TANGO6: variants seen among roughly 807,000 people sequenced by gnomAD.
TANGO6 encodes transport and golgi organization 6 homolog.
In TANGO6, 90 loss-of-function variants were observed where a neutral mutation model predicts 114.2. The observed-to-expected ratio is 0.79, with a 90% confidence interval of 0.66 to 0.94. TANGO6 has a LOEUF of 0.94. Ranked by LOEUF, TANGO6 falls within the 40% of genes least tolerant of loss-of-function variation. The pLI, the probability that TANGO6 is intolerant of heterozygous loss-of-function variation, is 0.00. For synonymous variants in TANGO6, 477 were observed against 509.8 expected (o/e 0.94, Z 0.87); for missense variants, 1,274 against 1,315.3 (o/e 0.97, Z 0.49).
chr16:68,889,043 C>A (rs910404625), intron 7 of TANGO6, among the ~76,000 whole-genome samples: 9 of 152,154 alleles, frequency 5.9e-5, no homozygotes, highest in African/African-American at 1.9e-4. Context: ...GGGTTGTTCT[C>A]GAACTCCTGA....
At chr16:68,884,245 C>T (rs1043988237) in intron 7 of TANGO6, among the ~76,000 whole-genome samples, 3 of 152,110 alleles carry the variant, frequency 2.0e-5, no homozygotes, top group Non-Finnish European at 4.4e-5. Flanking sequence ...ATGTTTACTA[C>T]CCTTGTATTT....
At chr16:69,025,965 A>G (rs1331216643) in intron 16 of TANGO6, 2 of 191,262 alleles carry the variant, frequency 1.0e-5, no homozygotes, top group East Asian at 1.3e-4. Flanking sequence ...CAAATGAGCT[A>G]TGCAATTTGA....
chr16:68,889,104 G>A (rs746905479), intron 7 of TANGO6, among the ~76,000 whole-genome samples: 3 of 152,168 alleles, frequency 2.0e-5, no homozygotes, highest in African/African-American at 4.8e-5. Flanking sequence ...GATTACAGGC[G>A]TGAGCCACCA....
intron 14 of TANGO6, among the ~76,000 whole-genome samples, chr16:68,971,460 A>G (rs1963703879): frequency 6.6e-6 from 1 of 151,912 alleles, no homozygotes; most frequent in African/African-American, 2.4e-5. Context: ...ATTTTTATAG[A>G]GATGGGGTCT....
chr16:69,067,371 G>A (rs921014313), intron 17 of TANGO6, among the ~76,000 whole-genome samples: 8 of 151,716 alleles, frequency 5.3e-5, no homozygotes, highest in African/African-American at 1.9e-4. Context: ...TTAGCCAGGC[G>A]TGTTGGCGGG....
chr16:68,878,662 T>G (rs545162059), intron 6 of TANGO6, among the ~76,000 whole-genome samples: 1 of 152,238 alleles, frequency 6.6e-6, no homozygotes, highest in African/African-American at 2.4e-5. Flanking sequence ...ATTACCACAC[T>G]CAGGAAATTT....
rs1962132493 is a variant in TANGO6 at position 68,863,560 on chromosome 16, A to G, written c.852+499A>G. On this transcript the variant is annotated intron_variant, in intron 3 of 17. Transcript: ENST00000261778. ...GGGAGGCGGAGGTTGCAGTGAGCCG[A>G]GATCATGCCATTGCACTCCAGTCTG... 2.6e-5 allele frequency among the ~76,000 whole-genome samples: 4 copies of G among 152,126 alleles called. No homozygotes were observed. In the South Asian group the frequency reaches 8.3e-4, roughly 32 times the overall value.
chr16:68,906,642 G>A (rs1962852991), intron 9 of TANGO6, among the ~76,000 whole-genome samples: 1 of 151,532 alleles, frequency 6.6e-6, no homozygotes, highest in African/African-American at 2.4e-5. Flanking sequence ...GCTATTCATA[G>A]TTGTGACCAT....
chr16:68,860,344 TGATGCTGCCCCC>T lies in TANGO6; in HGVS notation c.561_572del (p.Ala188_Ala191del). 6.2e-7 allele frequency: 1 copy of T among 1,614,018 alleles called. No individual in the cohort carries two copies. The highest frequency in any genetic ancestry group is 1.1e-5 in the South Asian group (1 of 91,086). ...CCGTCGTTCAAGACGTGGTGTGTTT[TGATGCTGCCCCC>T]GATGCAACTCGAAGACTGTACACCA... On this transcript the variant is annotated inframe_deletion, in exon 2 of 18. Transcript: ENST00000261778.
intron 15 of TANGO6, among the ~76,000 whole-genome samples, chr16:68,986,218 T>C (rs1963888473): frequency 6.6e-6 from 1 of 152,212 alleles, no homozygotes; most frequent in African/African-American, 2.4e-5. Context: ...GCCAGATTCA[T>C]GTTGCTCCAT....
chr16:69,081,368 A>G (rs1960462559), intron 17 of TANGO6, among the ~76,000 whole-genome samples: 1 of 149,826 alleles, frequency 6.7e-6, no homozygotes, highest in Non-Finnish European at 1.5e-5. Flanking sequence ...AAATCTCCTT[A>G]CTTTTTTTTT....
chr16:68,943,555 T>C (rs944429271), intron 14 of TANGO6, among the ~76,000 whole-genome samples: 9 of 151,954 alleles, frequency 5.9e-5, no homozygotes, highest in Admixed American at 1.3e-4. Context: ...TTAGTAGAGA[T>C]GGGGTTTCAC....
chr16:68,988,648 A>C (rs2152217410), intron 15 of TANGO6, among the ~76,000 whole-genome samples: 1 of 149,072 alleles, frequency 6.7e-6, no homozygotes, highest in South Asian at 2.1e-4. Flanking sequence ...TTTTCAATTT[A>C]ATTTTTGTGT....
intron 7 of TANGO6, among the ~76,000 whole-genome samples, chr16:68,892,859 G>C (rs1457929714): frequency 6.6e-6 from 1 of 152,114 alleles, no homozygotes; most frequent in Non-Finnish European, 1.5e-5. Flanking sequence ...TAACCCCAGA[G>C]AGGCTTTTAT....
chr16:69,021,914 C>T (rs778489461), intron 15 of TANGO6, among the ~76,000 whole-genome samples: 6 of 138,326 alleles, frequency 4.3e-5, no homozygotes, highest in Non-Finnish European at 7.7e-5. Flanking sequence ...AAGACAGAAT[C>T]TCACTGTGTT....
chr16:68,907,840 C>T (rs868627778), intron 10 of TANGO6, among the ~76,000 whole-genome samples: 7 of 152,202 alleles, frequency 4.6e-5, no homozygotes, highest in Middle Eastern at 6.8e-3. Context: ...GCAAAACCCT[C>T]GATCCATGAA....
At chr16:68,910,082 C>G (rs957578371) in intron 11 of TANGO6, among the ~76,000 whole-genome samples, 7 of 152,132 alleles carry the variant, frequency 4.6e-5, no homozygotes, top group African/African-American at 7.2e-5. Context: ...GTACAGTTGC[C>G]AGATTTTACC....
At chr16:69,029,101 ATGATTTAC>A (rs1371054395) in intron 16 of TANGO6, among the ~76,000 whole-genome samples, 1 of 152,200 alleles carries the variant, frequency 6.6e-6, no homozygotes, top group Non-Finnish European at 1.5e-5. Context: ...CTAGCAGCAT[ATGATTTAC>A]TATCCAAAGT....
chr16:69,065,224 G>A (rs1362187845), intron 17 of TANGO6, among the ~76,000 whole-genome samples: 1 of 152,228 alleles, frequency 6.6e-6, no homozygotes, highest in Non-Finnish European at 1.5e-5. Flanking sequence ...TGTCCCAGCT[G>A]CAGGGAGCTG....
Sources: gnomAD v4.1 joint callset for allele counts (sites outside exome capture counted in the v4.1 genomes callset) on GRCh38, gnomAD v4.1.1 for gene constraint, MANE v1.5 for transcripts, NCBI Gene and HGNC (gene_info 2026-07-23, HGNC 2026-07-21) for gene names.